PDE7A: variants seen among roughly 807,000 people sequenced by gnomAD.
PDE7A encodes phosphodiesterase 7A, also known as high affinity 3',5'-cyclic-AMP phosphodiesterase 7A.
In PDE7A, 39 loss-of-function variants were observed where a neutral mutation model predicts 64.3. The observed-to-expected ratio is 0.61, with a 90% CI of 0.47 to 0.79. The LOEUF (loss-of-function observed/expected upper bound fraction) is 0.79, where lower values mean the gene tolerates loss of function less well. PDE7A is among the 30% of genes least tolerant of loss of function. The probability of loss-of-function intolerance (pLI) is 0.00; values close to 1 mark genes in which losing one functional copy is unlikely to be tolerated. For synonymous variants in PDE7A, 203 were observed against 206.8 expected (o/e 0.98, Z 0.16); for missense variants, 470 against 582.8 (o/e 0.81, Z 1.99).
intron 10 of PDE7A, 58 bp downstream of exon 10, chr8:65,724,719 T>C (rs1806537209): frequency 2.8e-6 from 4 of 1,407,176 alleles, no homozygotes; most frequent in South Asian, 1.3e-5. Context: ...ATTCATTTTT[T>C]AGTTTGACAG....
chr8:65,806,452 T>C (rs1406888294), intron 1 of PDE7A, among the ~76,000 whole-genome samples: 1 of 152,208 alleles, frequency 6.6e-6, no homozygotes, highest in African/African-American at 2.4e-5. Flanking sequence ...TGCACAACTT[T>C]GTGAATAAAC....
chr8:65,733,030 T>G lies in PDE7A; in HGVS notation c.696+1764A>C, dbSNP rs1351769625. Among the ~76,000 whole-genome samples the G allele has an allele frequency of 2.0e-5, 3 of 152,116 alleles. No homozygotes were observed. The East Asian group carries it at 5.8e-4, about 29-fold the overall frequency. Reference sequence around the variant, plus strand: ...AGTCCTGGGTGACTCCATTTTAAAATGTTCACTATGATAAGGGAGAAGGGA... The same window carrying G: ...AGTCCTGGGTGACTCCATTTTAAAAGGTTCACTATGATAAGGGAGAAGGGA... On this transcript the variant is annotated intron_variant, in intron 7 of 12. Coordinates refer to ENST00000401827, the MANE Select transcript of PDE7A (RefSeq NM_001242318.3).
intron 3 of PDE7A, among the ~76,000 whole-genome samples, chr8:65,753,431 A>C (rs749034655): frequency 6.6e-6 from 1 of 152,198 alleles, no homozygotes; most frequent in Non-Finnish European, 1.5e-5. Flanking sequence ...GAGAGACTGC[A>C]CTGGACCCTG....
intron 1 of PDE7A, among the ~76,000 whole-genome samples, chr8:65,838,305 T>C (rs1002856226): frequency 1.3e-5 from 2 of 152,200 alleles, no homozygotes; most frequent in East Asian, 3.9e-4. Context: ...CAAATATGAA[T>C]GCTATTCTGA....
chr8:65,745,958 C>T (rs1430838440), intron 4 of PDE7A, among the ~76,000 whole-genome samples: 1 of 147,516 alleles, frequency 6.8e-6, no homozygotes, highest in Non-Finnish European at 1.5e-5. Context: ...GGGTCTCACA[C>T]TCACTGTCAC....
At chr8:65,782,897 T>C (rs917024448) in intron 1 of PDE7A, 54 bp from the exon 2 acceptor site, 11 of 1,012,682 alleles carry the variant, frequency 1.1e-5, no homozygotes, top group African/African-American at 3.2e-5. Context: ...GATACAAAAT[T>C]CAACTCAACA....
intron 1 of PDE7A, among the ~76,000 whole-genome samples, chr8:65,801,247 T>C (rs902492960): frequency 1.3e-5 from 2 of 152,176 alleles, no homozygotes; most frequent in African/African-American, 4.8e-5. Flanking sequence ...TCTCTAAGAA[T>C]ACTTCCATTT....
chr8:65,751,387 C>T (rs1807946424), intron 3 of PDE7A, among the ~76,000 whole-genome samples: 1 of 152,088 alleles, frequency 6.6e-6, no homozygotes, highest in African/African-American at 2.4e-5. Flanking sequence ...TGATTCAACC[C>T]TCTATGTGTC....
intron 1 of PDE7A, among the ~76,000 whole-genome samples, chr8:65,839,233 A>AG (rs1208566604): frequency 6.6e-6 from 1 of 151,758 alleles, no homozygotes; most frequent in Admixed American, 6.6e-5. Flanking sequence ...TAAAAAAAAA[A>AG]GGGTTTTTTT....
At position 65,768,522 on chromosome 8, in the gene PDE7A, C is replaced by T. The variant is rs142584336; in HGVS notation, c.283+11198G>A. On this transcript the variant is annotated intron_variant, in intron 3 of 12. Coordinates refer to ENST00000401827, the MANE Select transcript of PDE7A (RefSeq NM_001242318.3). The stretch of plus-strand genomic sequence containing the variant: ...TTCACCTTCGGCCGTAATTGTGAGG[C>T]CTCCCCAGCCAGGTGGAGCTATAAG... Among the ~76,000 whole-genome samples, 583 of 152,286 alleles carry T rather than the reference C, an allele frequency of 3.8e-3. 3 individuals are homozygous for T. The highest frequency in any genetic ancestry group is 0.013 in the African/African-American group (535 of 41,550).
At chr8:65,779,031 AAAAGTG>A (rs1404442737) in intron 3 of PDE7A, among the ~76,000 whole-genome samples, 1 of 152,238 alleles carries the variant, frequency 6.6e-6, no homozygotes, top group African/African-American at 2.4e-5. Flanking sequence ...TATTAAGAAG[AAAAGTG>A]GCCTGAAGTT....
chr8:65,719,588 C>T (rs2129063210), intron 12 of PDE7A, 93 bp from the exon 13 acceptor site: 1 of 784,990 alleles, frequency 1.3e-6, no homozygotes, highest in East Asian at 2.7e-5. Flanking sequence ...CTACATCCTA[C>T]TCCAGTATTA....
intron 1 of PDE7A, among the ~76,000 whole-genome samples, chr8:65,825,779 G>A (rs1000087034): frequency 2.0e-5 from 3 of 152,160 alleles, no homozygotes; most frequent in Non-Finnish European, 4.4e-5. Flanking sequence ...ACTATGTGAT[G>A]TACACTAGGG....
chr8:65,754,119 A>G (rs773379254), intron 3 of PDE7A, among the ~76,000 whole-genome samples: 3 of 152,118 alleles, frequency 2.0e-5, no homozygotes, highest in Non-Finnish European at 2.9e-5. Flanking sequence ...AGAACTTGGG[A>G]GTCTGATGTT....
chr8:65,752,869 C>G (rs750796648), intron 3 of PDE7A, among the ~76,000 whole-genome samples: 3 of 152,192 alleles, frequency 2.0e-5, no homozygotes, highest in Non-Finnish European at 2.9e-5. Flanking sequence ...TTTCTATCCA[C>G]TATAACCATT....
At chr8:65,791,923 G>C (rs1350821769) in intron 1 of PDE7A, among the ~76,000 whole-genome samples, 2 of 151,366 alleles carry the variant, frequency 1.3e-5, no homozygotes. Flanking sequence ...TACTTATCTT[G>C]GTGATTTATA....
intron 1 of PDE7A, among the ~76,000 whole-genome samples, chr8:65,810,198 C>T (rs777441497): frequency 2.0e-5 from 3 of 152,028 alleles, no homozygotes; most frequent in African/African-American, 4.8e-5. Flanking sequence ...TCCTTTGTAG[C>T]GACATGGATG....
rs1394633744 is a variant in PDE7A at position 65,726,879 on chromosome 8, T to C, written c.916A>G (p.Ser306Gly). ...SGLFSHLPLESRQQMETQIGA... is the reference protein window; with the variant it reads ...SGLFSHLPLEGRQQMETQIGA... The stretch of plus-strand genomic sequence containing the variant: ...ATTTGTCTTAATCCAACCTACCTGC[T>C]TTCTAATGGCAGATGTGAGAATAAG... The change falls in exon 9 of 13, where the codon AGC (serine) becomes GGC (glycine). Residue 306 changes from serine to glycine, a missense_variant. Ser to Gly is a moderately conservative substitution (Grantham distance 56, BLOSUM62 0). Coordinates refer to ENST00000401827, the MANE Select transcript of PDE7A (RefSeq NM_001242318.3). 1.3e-6 allele frequency: 2 copies of C among 1,568,490 alleles called. No homozygotes were observed. The highest frequency in any genetic ancestry group is 1.8e-6 in the Non-Finnish European group (2 of 1,141,090).
At chr8:65,778,603 T>C (rs1809323878) in intron 3 of PDE7A, among the ~76,000 whole-genome samples, 1 of 152,116 alleles carries the variant, frequency 6.6e-6, no homozygotes, top group South Asian at 2.1e-4. Flanking sequence ...TGCCAATAAG[T>C]TTTGGGGTCA....
Sources: gnomAD v4.1 joint callset for allele counts (sites outside exome capture counted in the v4.1 genomes callset) on GRCh38, gnomAD v4.1.1 for gene constraint, MANE v1.5 for transcripts, NCBI Gene and HGNC (gene_info 2026-07-23, HGNC 2026-07-21) for gene names.